CAST: variants seen among roughly 807,000 people sequenced by gnomAD.
CAST encodes the protein MIR583 host.
A neutral mutation model predicts 119.6 loss-of-function variants in CAST; 76 were observed. The observed-to-expected ratio is 0.64, with a 90% CI of 0.53 to 0.77. The LOEUF is 0.77. CAST is among the 30% of genes least tolerant of loss of function. The pLI is 0.00. For missense variants in CAST, 953 were observed against 946.5 expected (o/e 1.01, Z -0.09); for synonymous variants, 319 against 331.6 (o/e 0.96, Z 0.41).
At chr5:96,662,573 G>A in intron 1 of CAST, 76 bp downstream of exon 1, 2 of 1,307,894 alleles carry the variant, frequency 1.5e-6, no homozygotes, top group Non-Finnish European at 1.9e-6. Flanking sequence ...CGCCCTCCCT[G>A]GGCGTTGCCA....
chr5:96,757,357 T>C, intron 22 of CAST, 87 bp from the exon 23 acceptor site: 1 of 1,182,136 alleles, frequency 8.5e-7, no homozygotes, highest in South Asian at 1.2e-5. Context: ...AAGTATAACC[T>C]GTAGACCCTT....
the CAST span, among the ~76,000 whole-genome samples, chr5:96,344,026 G>A: frequency 5.8e-4 from 88 of 152,294 alleles, no homozygotes; most frequent in African/African-American, 1.9e-3. Context: ...GAATTGGATC[G>A]TAACCCCTAC....
At chr5:96,327,590 G>A in the CAST span, among the ~76,000 whole-genome samples, 2 of 152,300 alleles carry the variant, frequency 1.3e-5, no homozygotes, top group East Asian at 1.9e-4. Context: ...GTGGAATAAT[G>A]GGCTGAAAAT....
chr5:96,593,632 T>C (rs1747002992), intron 1 of CAST, among the ~76,000 whole-genome samples: 1 of 152,200 alleles, frequency 6.6e-6, no homozygotes, highest in Non-Finnish European at 1.5e-5. Flanking sequence ...GTAAAATGTA[T>C]ATATGAAATC....
chr5:96,471,279 A>G, the CAST span, among the ~76,000 whole-genome samples: 1 of 152,156 alleles, frequency 6.6e-6, no homozygotes, highest in East Asian at 1.9e-4. Context: ...ATACCTTACC[A>G]TAAACCTAAG....
At chr5:96,757,156 T>A (rs138820532) in intron 22 of CAST, among the ~76,000 whole-genome samples, 64 of 152,310 alleles carry the variant, frequency 4.2e-4, no homozygotes, top group African/African-American at 1.5e-3. Context: ...ATGCTGACTT[T>A]CACGTTTTCC....
chr5:96,357,298 C>G, the CAST span, among the ~76,000 whole-genome samples: 1 of 152,194 alleles, frequency 6.6e-6, no homozygotes, highest in South Asian at 2.1e-4. Context: ...TTGACTTCCT[C>G]TCTTCCTATT....
the CAST span, among the ~76,000 whole-genome samples, chr5:96,448,329 T>G: frequency 6.6e-6 from 1 of 152,216 alleles, no homozygotes; most frequent in African/African-American, 2.4e-5. Flanking sequence ...AAAGGATAAG[T>G]GAAAGCAAGT....
chr5:95,966,123 C>T, the CAST span, among the ~76,000 whole-genome samples: 4 of 151,924 alleles, frequency 2.6e-5, no homozygotes, highest in Non-Finnish European at 5.9e-5. Context: ...TGGGATGGAG[C>T]GCAACCTAGA....
At chr5:96,533,478 C>G (rs909552716) in intron 1 of CAST, among the ~76,000 whole-genome samples, 4 of 152,142 alleles carry the variant, frequency 2.6e-5, no homozygotes, top group African/African-American at 9.7e-5. Context: ...AAAATCAAAG[C>G]TATTTTATAA....
At position 96,561,111 on chromosome 5, in the gene CAST, C is replaced by T. The variant is rs534027607; in HGVS notation, c.60+31231C>T. Among the ~76,000 whole-genome samples the T allele has an allele frequency of 1.0e-4, 15 of 149,884 alleles. No homozygotes were observed. In the East Asian group the frequency reaches 2.8e-3, roughly 28 times the overall value. ...GCAAACTATCGCAAGGACAAAACAC[C>T]AAACACCACATGTTCTCACTCACAG... On this transcript the variant is annotated intron_variant, in intron 1 of 11. Transcript: ENST00000505143.
At chr5:96,216,503 A>G in the CAST span, among the ~76,000 whole-genome samples, 1 of 152,182 alleles carries the variant, frequency 6.6e-6, no homozygotes, top group Non-Finnish European at 1.5e-5. Flanking sequence ...TTTCTATGAA[A>G]TTAAAATCCA....
chr5:96,425,062 A>AAGAAAG, the CAST span, among the ~76,000 whole-genome samples: 1 of 142,436 alleles, frequency 7.0e-6, no homozygotes, highest in Non-Finnish European at 1.5e-5. Flanking sequence ...GAAAGAAAGA[A>AAGAAAG]AGAAAGAAAG....
intron 27 of CAST, among the ~76,000 whole-genome samples, chr5:96,766,516 G>C (rs953389089): frequency 6.6e-6 from 1 of 152,178 alleles, no homozygotes. Flanking sequence ...CTGGTGTTGG[G>C]ATAATTAATA....
chr5:96,662,523 C>A, intron 1 of CAST, 26 bp downstream of exon 1: 1 of 1,350,646 alleles, frequency 7.4e-7, no homozygotes. Context: ...GTCGGCGTCG[C>A]GGGGCTGGGC....
chr5:96,375,432 G>GT, the CAST span, among the ~76,000 whole-genome samples: 68 of 90,188 alleles, frequency 7.5e-4, no homozygotes, highest in African/African-American at 1.9e-3. Context: ...GTGTGTGTGT[G>GT]TGTGTTTTTT....
chr5:96,759,460 TAC>T (rs1214079469), intron 24 of CAST, among the ~76,000 whole-genome samples: 4 of 152,130 alleles, frequency 2.6e-5, no homozygotes, highest in Non-Finnish European at 5.9e-5. Context: ...ATTCCTGTGA[TAC>T]ATTGTCATAA....
intron 3 of CAST, among the ~76,000 whole-genome samples, chr5:96,719,634 A>G (rs1043131922): frequency 6.6e-6 from 1 of 152,250 alleles, no homozygotes; most frequent in Admixed American, 6.5e-5. Context: ...TGGGAGGGGT[A>G]GTATTTTGAT....
the CAST span, among the ~76,000 whole-genome samples, chr5:96,239,533 T>C: frequency 0.025 from 3,745 of 152,164 alleles, 160 homozygotes; most frequent in African/African-American, 0.085. Flanking sequence ...ATGCATGTAG[T>C]ACTCATTCTT....
Sources: allele counts gnomAD v4.1 joint callset (sites outside exome capture counted in the v4.1 genomes callset), GRCh38; gene constraint gnomAD v4.1.1; transcripts MANE v1.5; gene names NCBI Gene and HGNC (gene_info 2026-07-23, HGNC 2026-07-21).